MYO1D: variants seen among roughly 807,000 people sequenced by gnomAD.
MYO1D encodes the protein myosin ID.
A neutral mutation model predicts 122.0 loss-of-function variants in MYO1D; 83 were observed. The observed-to-expected ratio is 0.68, with a 90% CI of 0.57 to 0.82. The LOEUF is 0.82. MYO1D is among the 40% of genes least tolerant of loss of function. MYO1D has a pLI of 0.00. For missense variants in MYO1D, 1,157 were observed against 1,269.5 expected (o/e 0.91, Z 1.35); for synonymous variants, 464 against 446.9 (o/e 1.04, Z -0.48).
At chr17:32,674,889 G>A (rs991046454) in intron 16 of MYO1D, among the ~76,000 whole-genome samples, 2 of 152,188 alleles carry the variant, frequency 1.3e-5, no homozygotes, top group African/African-American at 4.8e-5. Context: ...ATTTTAGAAT[G>A]TTGCAGGGAA....
chr17:32,537,640 T>C (rs1910701962), intron 21 of MYO1D, among the ~76,000 whole-genome samples: 1 of 152,176 alleles, frequency 6.6e-6, no homozygotes, highest in Non-Finnish European at 1.5e-5. Context: ...ACTCCAATTA[T>C]GAAATGACCA....
At chr17:32,508,294 A>T (rs572507807) in intron 21 of MYO1D, among the ~76,000 whole-genome samples, 245 of 150,452 alleles carry the variant, frequency 1.6e-3, no homozygotes, top group African/African-American at 5.7e-3. Context: ...TTTTTTTTTG[A>T]GACAGAGTCT....
At chr17:32,811,399 C>G (rs2090570616) in intron 1 of MYO1D, among the ~76,000 whole-genome samples, 1 of 152,182 alleles carries the variant, frequency 6.6e-6, no homozygotes, top group Non-Finnish European at 1.5e-5. Context: ...AATGAGGATG[C>G]ATGCTGCATC....
At chr17:32,844,426 A>G (rs2090916785) in intron 1 of MYO1D, among the ~76,000 whole-genome samples, 1 of 147,760 alleles carries the variant, frequency 6.8e-6, no homozygotes, top group Non-Finnish European at 1.5e-5. Flanking sequence ...TATATACTAT[A>G]TATAATATGT....
chr17:32,671,263 T>C (rs761007112), intron 16 of MYO1D, among the ~76,000 whole-genome samples: 1 of 152,206 alleles, frequency 6.6e-6, no homozygotes, highest in Non-Finnish European at 1.5e-5. Flanking sequence ...CTTGCTTCTA[T>C]GTTGGTGCTT....
At position 32,519,653 on chromosome 17, in the gene MYO1D, C is replaced by G. The variant is rs538835073; in HGVS notation, c.2865-24738G>C. 2.6e-5 allele frequency among the ~76,000 whole-genome samples: 4 copies of G among 151,946 alleles called. No individual in the cohort carries two copies. In the South Asian group the frequency reaches 8.3e-4, roughly 32 times the overall value. ...GCTTCTCCGCCTCGCCGCCGACAGC[C>G]CCTCCCAGCCCGCCTGCCCGCCCTC... On this transcript the variant is annotated intron_variant, in intron 21 of 21. Coordinates refer to ENST00000318217, the MANE Select transcript of MYO1D (RefSeq NM_015194.3).
At chr17:32,718,508 G>A (rs2089472706) in intron 15 of MYO1D, among the ~76,000 whole-genome samples, 2 of 152,156 alleles carry the variant, frequency 1.3e-5, no homozygotes, top group Admixed American at 1.3e-4. Context: ...GACCAGCCTG[G>A]CCAACATGGT....
intron 21 of MYO1D, among the ~76,000 whole-genome samples, chr17:32,535,589 C>T (rs867032621): frequency 1.4e-4 from 22 of 151,998 alleles, no homozygotes; most frequent in Middle Eastern, 3.2e-3. Flanking sequence ...CTACTAAAAA[C>T]ACACACAAAA....
intron 21 of MYO1D, among the ~76,000 whole-genome samples, chr17:32,556,568 T>TTTG (rs368557301): frequency 6.7e-6 from 1 of 150,094 alleles, no homozygotes; most frequent in Non-Finnish European, 1.5e-5. Context: ...TTTTTTTTTT[T>TTTG]AAGATGGGAT....
intron 1 of MYO1D, among the ~76,000 whole-genome samples, chr17:32,807,577 G>A (rs1216692569): frequency 6.6e-6 from 1 of 152,148 alleles, no homozygotes; most frequent in Non-Finnish European, 1.5e-5. Flanking sequence ...CCACACTTCT[G>A]CGGGAGTTAG....
chr17:32,526,485 C>T (rs915569717), intron 21 of MYO1D, among the ~76,000 whole-genome samples: 1 of 152,160 alleles, frequency 6.6e-6, no homozygotes, highest in Non-Finnish European at 1.5e-5. Flanking sequence ...CTACAGACTC[C>T]TAGATGGTGT....
intron 21 of MYO1D, among the ~76,000 whole-genome samples, chr17:32,577,016 G>A (rs1001446445): frequency 4.6e-5 from 7 of 152,042 alleles, no homozygotes; most frequent in African/African-American, 9.7e-5. Context: ...TTGGGAGGGC[G>A]AGGCAGGTGG....
chr17:32,532,723 C>CA (rs71144833), intron 21 of MYO1D, among the ~76,000 whole-genome samples: 26,786 of 99,548 alleles, frequency 0.27, 3,361 homozygotes, highest in East Asian at 0.5. Context: ...GACTCCGTCT[C>CA]AAAAAAAAAA....
In MYO1D at chr17:32,856,964, T is replaced by C. The variant is rs536467374; in HGVS notation, c.95+19814A>G. Among the ~76,000 whole-genome samples, 3 of 152,332 alleles carry C rather than the reference T, an allele frequency of 2.0e-5. No homozygotes were observed. The East Asian group carries it at 5.8e-4, about 29-fold the overall frequency. ...AGTCTGTATCATTGCTCTCTATTCC[T>C]TTCCATATGTATGAAGCAGGGGTAG... On this transcript the variant is annotated intron_variant, in intron 1 of 21. Coordinates refer to ENST00000318217, the MANE Select transcript of MYO1D (RefSeq NM_015194.3).
chr17:32,560,528 C>CCTATATATATATATATATAT (rs1233632484), intron 21 of MYO1D, among the ~76,000 whole-genome samples: 2 of 65,438 alleles, frequency 3.1e-5, no homozygotes, highest in African/African-American at 1.0e-4. Flanking sequence ...CCAGAGACAA[C>CCTATATATATATATATATAT]ATATATATAT....
intron 5 of MYO1D, among the ~76,000 whole-genome samples, chr17:32,771,761 C>A (rs953701680): frequency 6.6e-6 from 1 of 152,152 alleles, no homozygotes; most frequent in African/African-American, 2.4e-5. Flanking sequence ...AATACTTTCA[C>A]CCAAGTGGGA....
rs1474590014 is a variant in MYO1D at position 32,783,230 on chromosome 17, C to A, written c.96-2446G>T. Among the ~76,000 whole-genome samples the A allele has an allele frequency of 3.9e-5, 6 of 152,062 alleles. No homozygotes were observed. In the East Asian group the frequency reaches 9.6e-4, roughly 24 times the overall value. Reference sequence around the variant, plus strand: ...GGAACTCTGCAACTAAGAGTCACAGCAAATTATGTATGAGATTAGACTATT... The same window carrying A: ...GGAACTCTGCAACTAAGAGTCACAGAAAATTATGTATGAGATTAGACTATT... On this transcript the variant is annotated intron_variant, in intron 1 of 21. Coordinates refer to ENST00000318217, the MANE Select transcript of MYO1D (RefSeq NM_015194.3).
chr17:32,570,589 T>C (rs751360563), intron 21 of MYO1D, among the ~76,000 whole-genome samples: 114 of 152,176 alleles, frequency 7.5e-4, no homozygotes, highest in Non-Finnish European at 6.5e-4. Context: ...CCTGACCTTG[T>C]GATCTGCCTG....
rs116010626 is a variant in MYO1D at position 32,606,804 on chromosome 17, G to C, written c.2710-1563C>G. ...CGGGAGCAATGCAAGGATTTCCACT[G>C]TCACTGCAGCTATGCAACATTATAC... On this transcript the variant is annotated intron_variant, in intron 20 of 21. Transcript: ENST00000318217. Among the ~76,000 whole-genome samples, 1,473 of 152,318 alleles carry C rather than the reference G, an allele frequency of 9.7e-3. 23 individuals are homozygous for C. The highest frequency in any genetic ancestry group is 0.034 in the African/African-American group (1,404 of 41,572).
Sources: gnomAD v4.1 joint callset for allele counts (sites outside exome capture counted in the v4.1 genomes callset) on GRCh38, gnomAD v4.1.1 for gene constraint, MANE v1.5 for transcripts, NCBI Gene and HGNC (gene_info 2026-07-23, HGNC 2026-07-21) for gene names.